HUNK: variants seen among roughly 807,000 people sequenced by gnomAD.
HUNK encodes the protein hormonally up-regulated neu tumor-associated kinase.
In HUNK, 21 loss-of-function variants were observed where a neutral mutation model predicts 61.0. That is an observed-to-expected ratio of 0.34 (90% CI 0.24 to 0.50). The LOEUF is 0.50. HUNK is among the 20% of genes least tolerant of loss of function. The pLI is 0.98. For synonymous variants in HUNK, 371 were observed against 386.1 expected, an observed-to-expected ratio of 0.96 and a Z score of 0.46; for missense variants, 772 against 945.7, an observed-to-expected ratio of 0.82 and a Z score of 2.41.
chr21:31,965,718 C>T (rs2052961364), intron 5 of HUNK, among the ~76,000 whole-genome samples: 2 of 151,504 alleles, frequency 1.3e-5, no homozygotes, highest in Non-Finnish European at 2.9e-5. Context: ...TCTACCACCT[C>T]CGCCTCCCGA....
chr21:31,992,089 T>G (rs2053175636), intron 9 of HUNK, among the ~76,000 whole-genome samples: 2 of 152,206 alleles, frequency 1.3e-5, no homozygotes, highest in African/African-American at 2.4e-5. Flanking sequence ...TGCCGAGCTG[T>G]GACCATGGCT....
At chr21:31,972,233 C>T (rs2053016553) in intron 6 of HUNK, among the ~76,000 whole-genome samples, 1 of 152,030 alleles carries the variant, frequency 6.6e-6, no homozygotes, top group Non-Finnish European at 1.5e-5. Flanking sequence ...CAATACAGGA[C>T]AGAATTAGAC....
In HUNK at chr21:31,892,854, T is replaced by C. The variant is rs1944556325; in HGVS notation, c.261+18919T>C. Among the ~76,000 whole-genome samples, 2 of 152,142 alleles carry C rather than the reference T, an allele frequency of 1.3e-5. 1 individual carries two copies. The highest frequency in any genetic ancestry group is 4.1e-4 in the South Asian group (2 of 4,830). Reference sequence around the variant, plus strand: ...TGTCTGCATTCCTGGGATTCCACTTTCCTCTTGCCCACCTCTGCCGCAGAC... The same window carrying C: ...TGTCTGCATTCCTGGGATTCCACTTCCCTCTTGCCCACCTCTGCCGCAGAC... On this transcript the variant is annotated intron_variant, in intron 1 of 10. Coordinates refer to ENST00000270112, the MANE Select transcript of HUNK (RefSeq NM_014586.2).
intron 3 of HUNK, 145 bp downstream of exon 3, chr21:31,940,365 G>A: frequency 5.5e-6 from 3 of 540,678 alleles, no homozygotes; most frequent in Non-Finnish European, 9.4e-6. Flanking sequence ...TTTAATAATG[G>A]TTTTGAAAAT....
intron 1 of HUNK, among the ~76,000 whole-genome samples, chr21:31,900,053 G>T (rs1319882457): frequency 1.3e-5 from 2 of 151,916 alleles, no homozygotes; most frequent in Non-Finnish European, 2.9e-5. Context: ...GGGATTACAG[G>T]CATGAGCCAC....
At position 31,873,836 on chromosome 21, in the gene HUNK, C is replaced by G; in HGVS notation, c.162C>G (p.His54Gln). The G allele has an allele frequency of 1.3e-6, 2 of 1,585,980 alleles. No homozygotes were observed. The highest frequency in any genetic ancestry group is 1.7e-6 in the Non-Finnish European group (2 of 1,168,852). The stretch of plus-strand genomic sequence containing the variant: ...GCGAGCGGCTCCGCGACTTCCAGCA[C>G]CACAAGCGCGTGGGCAACTACCTCA... The part of the protein sequence containing the change: ...VPRERLRDFQ[H>Q]HKRVGNYLIG... The change falls in exon 1 of 11, where the codon CAC becomes CAG. Residue 54 changes from histidine to glutamine, a missense_variant. By Grantham distance (24) the His-to-Gln change is conservative. Transcript: ENST00000270112. This position sits in a 1 kb window ranked among gnomAD's most constrained non-coding sequence, Gnocchi z 6.1.
intron 1 of HUNK, among the ~76,000 whole-genome samples, chr21:31,894,883 G>A (rs905419062): frequency 6.6e-6 from 1 of 152,128 alleles, no homozygotes; most frequent in African/African-American, 2.4e-5. Context: ...CAAATGCACC[G>A]CGAACAGGCT....
At chr21:31,909,835 G>A (rs186513835) in intron 1 of HUNK, among the ~76,000 whole-genome samples, 5 of 152,314 alleles carry the variant, frequency 3.3e-5, no homozygotes, top group Admixed American at 1.3e-4. Context: ...TACCCACATC[G>A]TTTCTTTGGA....
chr21:31,933,690 C>G (rs968563871), intron 2 of HUNK, among the ~76,000 whole-genome samples: 2 of 150,822 alleles, frequency 1.3e-5, no homozygotes, highest in African/African-American at 4.9e-5. Flanking sequence ...GAGGCTGAGG[C>G]AGGAGAATCG....
chr21:31,914,424 A>C (rs1275551750), intron 1 of HUNK, among the ~76,000 whole-genome samples: 2 of 149,604 alleles, frequency 1.3e-5, no homozygotes, highest in Non-Finnish European at 3.0e-5. Context: ...AAAAAAAAAA[A>C]AAAAAAAAAA....
chr21:31,907,287 C>T (rs1443486271), intron 1 of HUNK, among the ~76,000 whole-genome samples: 1 of 152,106 alleles, frequency 6.6e-6, no homozygotes, highest in African/African-American at 2.4e-5. Flanking sequence ...CAAAATATCT[C>T]CTTAAGAATT....
At chr21:31,961,763 A>C (rs1268901158) in intron 5 of HUNK, among the ~76,000 whole-genome samples, 1 of 152,214 alleles carries the variant, frequency 6.6e-6, no homozygotes, top group Non-Finnish European at 1.5e-5. Context: ...GTGACCCATA[A>C]CAAAGGACAA....
chr21:31,883,293 GCCAA>G (rs2052322477), intron 1 of HUNK, among the ~76,000 whole-genome samples: 1 of 152,038 alleles, frequency 6.6e-6, no homozygotes, highest in Non-Finnish European at 1.5e-5. Context: ...CCACATGTCA[GCCAA>G]CAGGGTACTC....
At chr21:31,880,896 A>C (rs1348190204) in intron 1 of HUNK, among the ~76,000 whole-genome samples, 1 of 152,212 alleles carries the variant, frequency 6.6e-6, no homozygotes, top group Non-Finnish European at 1.5e-5. Flanking sequence ...GCTGGGCTCC[A>C]ATACCGCTCT....
chr21:31,888,207 G>C (rs1036818353), intron 1 of HUNK, among the ~76,000 whole-genome samples: 2 of 152,168 alleles, frequency 1.3e-5, no homozygotes, highest in Non-Finnish European at 2.9e-5. Flanking sequence ...TATTTCATCA[G>C]AGTGTTTGGA....
intron 5 of HUNK, among the ~76,000 whole-genome samples, chr21:31,960,037 A>G (rs1246682695): frequency 3.3e-5 from 5 of 152,250 alleles, no homozygotes; most frequent in Non-Finnish European, 7.3e-5. Context: ...GGAGTTAGAA[A>G]ATGTGCAAAA....
intron 1 of HUNK, among the ~76,000 whole-genome samples, chr21:31,900,335 C>T (rs749028305): frequency 6.6e-6 from 1 of 152,006 alleles, no homozygotes; most frequent in Non-Finnish European, 1.5e-5. Context: ...TTTGTTCTGT[C>T]TCCATGTCAC....
chr21:31,913,685 C>G (rs2052561573), intron 1 of HUNK, among the ~76,000 whole-genome samples: 1 of 151,834 alleles, frequency 6.6e-6, no homozygotes, highest in Non-Finnish European at 1.5e-5. Flanking sequence ...CATTGGCACT[C>G]ATGGGCAGAT....
intron 7 of HUNK, among the ~76,000 whole-genome samples, chr21:31,979,807 G>A (rs769260694): frequency 2.2e-4 from 33 of 152,022 alleles, no homozygotes; most frequent in South Asian, 6.2e-4. Context: ...AAGCCACCAC[G>A]CCCAGCTGCA....
Sources: allele counts gnomAD v4.1 joint callset (sites outside exome capture counted in the v4.1 genomes callset), GRCh38; gene constraint gnomAD v4.1.1; non-coding constraint Gnocchi (gnomAD v3.1); transcripts MANE v1.5; gene names NCBI Gene and HGNC (gene_info 2026-07-23, HGNC 2026-07-21).